KDM2A: variants seen among roughly 807,000 people sequenced by gnomAD.
The protein encoded by KDM2A is lysine demethylase 2A, also known as lysine-specific demethylase 2A.
Under a neutral mutation model 137.3 loss-of-function variants are expected in KDM2A, and 3 were observed. The observed-to-expected ratio is 0.02, with a 90% CI of 0.01 to 0.06. The LOEUF is 0.06. KDM2A is among the 10% of genes least tolerant of loss of function. The pLI is 1.00. For synonymous variants in KDM2A, 512 were observed against 541.5 expected (o/e 0.95, Z 0.76); for missense variants, 738 against 1,510.6 (o/e 0.49, Z 8.48).
At chr11:67,189,735 G>A (rs1205320690) in intron 5 of KDM2A, among the ~76,000 whole-genome samples, 3 of 152,176 alleles carry the variant, frequency 2.0e-5, no homozygotes, top group African/African-American at 7.2e-5. Context: ...AGCTACTCGG[G>A]AGGCTGAGGC....
chr11:67,133,771 G>T (rs564826527), intron 2 of KDM2A, among the ~76,000 whole-genome samples: 1 of 150,948 alleles, frequency 6.6e-6, no homozygotes, highest in Non-Finnish European at 1.5e-5. Context: ...GCGCCATCTC[G>T]GCTTACTATA....
At chr11:67,133,752 C>T (rs1031037199) in intron 2 of KDM2A, among the ~76,000 whole-genome samples, 7 of 149,662 alleles carry the variant, frequency 4.7e-5, no homozygotes, top group African/African-American at 1.2e-4. Context: ...CCTAGGCTGA[C>T]GTGCAGTGGC....
At chr11:67,188,619 C>T (rs986185563) in intron 5 of KDM2A, among the ~76,000 whole-genome samples, 5 of 151,538 alleles carry the variant, frequency 3.3e-5, no homozygotes, top group Non-Finnish European at 5.9e-5. Flanking sequence ...GGTGAGACCT[C>T]GTCTCTACCA....
intron 2 of KDM2A, among the ~76,000 whole-genome samples, chr11:67,128,185 T>C (rs1424950519): frequency 1.3e-5 from 2 of 151,834 alleles, no homozygotes; most frequent in African/African-American, 2.4e-5. Flanking sequence ...AAATTCTTTC[T>C]AGAGACAGGT....
At position 67,228,147 on chromosome 11, in the gene KDM2A, A is replaced by G. The variant is rs767417269; in HGVS notation, c.1068A>G (p.Lys356=). Residue 356 remains lysine, a synonymous_variant, in exon 11 of 21, where the codon AAA becomes AAG. Coordinates refer to ENST00000529006, the MANE Select transcript of KDM2A (RefSeq NM_012308.3). ...CCCACCTAACTAAGGAATTTCAGAA[A>G]GAGTCCCTCAGCATGGGTAAGTATT... is the stretch of plus-strand genomic sequence containing the variant. ...NRSHLTKEFQ[K]ESLSMDLELN... 3 of 1,613,812 alleles carry G rather than the reference A, an allele frequency of 1.9e-6. No individual in the cohort carries two copies. The African/African-American group carries it at 4.0e-5, about 22-fold the overall frequency.
chr11:67,185,299 C>T (rs1422794292), intron 5 of KDM2A, among the ~76,000 whole-genome samples: 2 of 152,056 alleles, frequency 1.3e-5, no homozygotes, highest in Non-Finnish European at 2.9e-5. Context: ...AACAGAATGA[C>T]AAAAATTGAA....
At chr11:67,150,657 T>C (rs1323674473) in intron 2 of KDM2A, among the ~76,000 whole-genome samples, 1 of 152,096 alleles carries the variant, frequency 6.6e-6, no homozygotes, top group Non-Finnish European at 1.5e-5. Context: ...AGTTGGAGGA[T>C]ATGTCAGACA....
chr11:67,143,895 G>T (rs1856181961), intron 2 of KDM2A, among the ~76,000 whole-genome samples: 1 of 151,810 alleles, frequency 6.6e-6, no homozygotes, highest in African/African-American at 2.4e-5. Flanking sequence ...GCCTCCCAAA[G>T]TGCTGGGTTT....
At chr11:67,183,361 A>G (rs532648842) in intron 5 of KDM2A, among the ~76,000 whole-genome samples, 1 of 152,344 alleles carries the variant, frequency 6.6e-6, no homozygotes, top group African/African-American at 2.4e-5. Flanking sequence ...TCTTGATGAG[A>G]CATTCTTACA....
rs535944136 is a variant in KDM2A at position 67,201,246 on chromosome 11, A to ATT, written c.308-6262_308-6261dup. On this transcript the variant is annotated intron_variant, in intron 5 of 20. Coordinates refer to ENST00000529006, the MANE Select transcript of KDM2A (RefSeq NM_012308.3). ...TGTGTGTGTGTGTGTATATATATATATTTCATAAGGCTATAGCTGACATAG... is the reference window on the plus strand; with the variant it reads ...TGTGTGTGTGTGTGTATATATATATATTTTTCATAAGGCTATAGCTGACATAG... 6.5e-3 allele frequency among the ~76,000 whole-genome samples: 986 copies of ATT among 151,526 alleles called. 5 individuals carry two copies. Among genetic ancestry groups the ATT allele is most frequent in the Non-Finnish European group, 8.8e-3 (600 of 67,894 alleles).
At chr11:67,124,084 A>C (rs1333458391) in intron 2 of KDM2A, among the ~76,000 whole-genome samples, 1 of 151,584 alleles carries the variant, frequency 6.6e-6, no homozygotes, top group Non-Finnish European at 1.5e-5. Flanking sequence ...GCTCACTGCA[A>C]CCTCTGGCTC....
At chr11:67,168,051 A>G in intron 2 of KDM2A, among the ~76,000 whole-genome samples, 1 of 152,202 alleles carries the variant, frequency 6.6e-6, no homozygotes, top group South Asian at 2.1e-4. Context: ...TCCTTAGGGC[A>G]TTTTAATTAA....
intron 2 of KDM2A, among the ~76,000 whole-genome samples, chr11:67,122,872 T>A (rs1315395256): frequency 6.6e-6 from 1 of 151,606 alleles, no homozygotes; most frequent in Non-Finnish European, 1.5e-5. Context: ...AGACGGGGTT[T>A]CACTGTGTTA....
At chr11:67,200,215 TG>T (rs200231510) in intron 5 of KDM2A, among the ~76,000 whole-genome samples, 25 of 151,712 alleles carry the variant, frequency 1.6e-4, no homozygotes, top group Non-Finnish European at 3.5e-4. Context: ...ATTGTTTGTG[TG>T]GTTTTTTTTT....
chr11:67,177,679 T>C (rs1590751209), intron 2 of KDM2A, among the ~76,000 whole-genome samples: 1 of 152,108 alleles, frequency 6.6e-6, no homozygotes, highest in East Asian at 1.9e-4. Flanking sequence ...GAGACCTCCC[T>C]GAGGCTGTTT....
chr11:67,237,726 T>A (rs1208550148), intron 12 of KDM2A, among the ~76,000 whole-genome samples: 1 of 151,952 alleles, frequency 6.6e-6, no homozygotes, highest in Non-Finnish European at 1.5e-5. Context: ...AGCAGGAGGA[T>A]CACTTAAGGC....
chr11:67,196,803 A>G (rs1180076207), intron 5 of KDM2A: 5 of 212,524 alleles, frequency 2.4e-5, no homozygotes, highest in Admixed American at 5.3e-5. Context: ...TGGTTGCACA[A>G]CATTGTGAAT....
chr11:67,164,631 T>TG (rs1856701330), intron 2 of KDM2A, among the ~76,000 whole-genome samples: 1 of 152,142 alleles, frequency 6.6e-6, no homozygotes, highest in African/African-American at 2.4e-5. Flanking sequence ...TTGGACTTTT[T>TG]TTTTTTGGAA....
intron 2 of KDM2A, among the ~76,000 whole-genome samples, chr11:67,163,736 A>G (rs1366642261): frequency 6.6e-6 from 1 of 151,900 alleles, no homozygotes; most frequent in Non-Finnish European, 1.5e-5. Flanking sequence ...CGTACCTGTA[A>G]TCCCAGCTAC....
Sources: gnomAD v4.1 joint callset for allele counts (sites outside exome capture counted in the v4.1 genomes callset) on GRCh38, gnomAD v4.1.1 for gene constraint, MANE v1.5 for transcripts, NCBI Gene and HGNC (gene_info 2026-07-23, HGNC 2026-07-21) for gene names.